The following CTAGE1 variants were observed in gnomAD, a reference collection of about 807,000 sequenced individuals.
CTAGE1 encodes the protein cTAGE family member 2.
For synonymous variants in CTAGE1, 332 were observed against 302.8 expected, an observed-to-expected ratio of 1.10 and a Z score of -1.00; for missense variants, 963 against 855.9, an observed-to-expected ratio of 1.13 and a Z score of -1.56.
At position 22,415,514 on chromosome 18, in the gene CTAGE1, A is replaced by G; in HGVS notation, c.*60T>C. 1 of 1,337,538 alleles carries G rather than the reference A, an allele frequency of 7.5e-7. No individual in the cohort carries two copies. The highest frequency in any genetic ancestry group is 1.0e-6 in the Non-Finnish European group (1 of 967,876). The allele number at this position is 1,337,538 out of a possible 1,614,324, so 82.9% of individuals were successfully genotyped here. A position where few individuals can be genotyped will look rare whatever the true frequency, so the allele number is the denominator to read the frequency against. ...GTTAGGTTTCTTGCTGTCGTTCTGG[A>G]TGTTCAGCAGCAGGCTCATTTGAAG... On this transcript the variant is annotated 3_prime_UTR_variant, in exon 1 of 1. Transcript: ENST00000391403.
Position 22,415,795 on chromosome 18 carries a change from A to G in CTAGE1, c.2017T>C (p.Phe673Leu). Residue 673 changes from phenylalanine (F) to leucine (L), a missense_variant, in exon 1 of 1, where the codon TTT (phenylalanine) becomes CTT (leucine). Transcript: ENST00000391403. ...PPLAPIRGLL[F>L]PVDTRGPFIR... ...AACGGGCCCCTTGTATCTACTGGAAACAATAAACCTCTGATTGGAGCAAGA... is the reference window on the plus strand; with the variant it reads ...AACGGGCCCCTTGTATCTACTGGAAGCAATAAACCTCTGATTGGAGCAAGA... 6.2e-7 allele frequency: 1 copy of G among 1,613,994 alleles called. No homozygotes were observed. The highest frequency in any genetic ancestry group is 8.5e-7 in the Non-Finnish European group (1 of 1,179,854).
At position 22,413,949 on chromosome 18, in the gene CTAGE1, A is replaced by T. The variant is rs2034979017; in HGVS notation, c.*1625T>A. On this transcript the variant is annotated 3_prime_UTR_variant, in exon 1 of 1. Coordinates refer to ENST00000391403, the MANE Select transcript of CTAGE1 (RefSeq NM_172241.3). Reference sequence around the variant, plus strand: ...GACTGTGGAAATGGATGCCTGGCTCAATATAAAATTCCTCTAGAAAGAGTT... The same window carrying T: ...GACTGTGGAAATGGATGCCTGGCTCTATATAAAATTCCTCTAGAAAGAGTT... The T allele has an allele frequency of 6.6e-6, 1 of 152,262 alleles. No homozygotes were observed. Among genetic ancestry groups the T allele is most frequent in the African/African-American group, 2.4e-5 (1 of 41,468 alleles). 9.4% of individuals were successfully genotyped at this position (152,262 alleles called of 1,614,324 possible).
In CTAGE1 at chr18:22,416,738, T is replaced by A. The variant is rs767184512; in HGVS notation, c.1074A>T (p.Leu358Phe). The A allele has an allele frequency of 3.7e-6, 6 of 1,612,498 alleles. 1 individual carries two copies. In the South Asian group the frequency reaches 4.4e-5, roughly 12 times the overall value. Residue 358 changes from leucine to phenylalanine, a missense_variant, in exon 1 of 1, where the codon TTA becomes TTT. Leu to Phe is a conservative substitution (Grantham distance 22). Coordinates refer to ENST00000391403, the MANE Select transcript of CTAGE1 (RefSeq NM_172241.3). The part of the protein sequence containing the change: ...LQQKLKVMTE[L>F]YQENEMKLYR... ...AGAGTTTCATTTCATTTTCTTGATA[T>A]AATTCAGTCATTACTTTAAGTTTCT... is the stretch of plus-strand genomic sequence containing the variant.
Position 22,415,637 on chromosome 18 carries a change from C to CG in CTAGE1, c.2174dup (p.Arg726GlufsTer25). The CG allele has an allele frequency of 6.2e-7, 1 of 1,613,986 alleles. No individual in the cohort carries two copies. Among genetic ancestry groups the CG allele is most frequent in the Non-Finnish European group, 8.5e-7 (1 of 1,179,998 alleles). ...GGGGACGGTAAGGAAGAAAACCTCT[C>CG]GGTAAATAGACATTTCTCATTGCAA... On this transcript the variant is annotated frameshift_variant, in exon 1 of 1. Coordinates refer to ENST00000391403, the MANE Select transcript of CTAGE1 (RefSeq NM_172241.3). LOFTEE classifies it low-confidence loss of function (END_TRUNC).
In CTAGE1 at chr18:22,416,461, C is replaced by T. The variant is rs1355412447; in HGVS notation, c.1351G>A (p.Ala451Thr). The T allele has an allele frequency of 2.5e-6, 4 of 1,613,994 alleles. No individual in the cohort carries two copies. In the East Asian group the frequency reaches 6.7e-5, roughly 27 times the overall value. ...TCAGTTAATTTTTGTCTGTTGTGAG[C>T]ATTTTCTTTCCTTAAATCATTGAGG... ...RNLNDLRKEN[A>T]HNRQKLTEIE... The change falls in exon 1 of 1, where the codon GCT becomes ACT. Residue 451 changes from alanine (A) to threonine (T), a missense_variant. Transcript: ENST00000391403.
Position 22,417,829 on chromosome 18 carries a change from C to T in CTAGE1, c.-18G>A. The T allele has an allele frequency of 6.2e-7, 1 of 1,613,682 alleles. No homozygotes were observed. Among genetic ancestry groups the T allele is most frequent in the Non-Finnish European group, 8.5e-7 (1 of 1,179,592 alleles). On this transcript the variant is annotated 5_prime_UTR_variant, in exon 1 of 1. Coordinates refer to ENST00000391403, the MANE Select transcript of CTAGE1 (RefSeq NM_172241.3). ...GGTCTCATACCTTCAGTCAGTGCTG[C>T]CACAACCCTGCGTAGCAACTCCAGG...
Position 22,415,774 on chromosome 18 carries a change from G to A in CTAGE1, c.2038C>T (p.Pro680Ser). The A allele has an allele frequency of 6.2e-7, 1 of 1,613,922 alleles. No individual in the cohort carries two copies. The highest frequency in any genetic ancestry group is 8.5e-7 in the Non-Finnish European group (1 of 1,179,856). Reference protein sequence around the residue: ...GLLFPVDTRGPFIRRGPPFPP... With the variant: ...GLLFPVDTRGSFIRRGPPFPP... ...AAAGGAGGTCCTCTTCTTATGAACG[G>A]GCCCCTTGTATCTACTGGAAACAAT... Residue 680 changes from proline (P) to serine (S), a missense_variant, in exon 1 of 1, where the codon CCG becomes TCG. Physicochemically the swap from Pro to Ser is moderately conservative, Grantham distance 74. Coordinates refer to ENST00000391403, the MANE Select transcript of CTAGE1 (RefSeq NM_172241.3).
rs1188152282 is a variant in CTAGE1 at position 22,416,508 on chromosome 18, G to A, written c.1304C>T (p.Ala435Val). The A allele has an allele frequency of 6.2e-7, 1 of 1,613,950 alleles. No individual in the cohort carries two copies. Among genetic ancestry groups the A allele is most frequent in the Non-Finnish European group, 8.5e-7 (1 of 1,179,932 alleles). Reference protein sequence around the residue: ...HEKKAHDNWSAAWTAERNLND... With the variant: ...HEKKAHDNWSVAWTAERNLND... ...GAGGTTTCTTTCAGCAGTCCAAGCT[G>A]CCGACCAATTATCATGTGCTTTTTT... Residue 435 changes from alanine (A) to valine (V), a missense_variant, in exon 1 of 1, where the codon GCA becomes GTA. Physicochemically the swap from Ala to Val is moderately conservative, Grantham distance 64. Transcript: ENST00000391403.
At position 22,416,303 on chromosome 18, in the gene CTAGE1, A is replaced by G; in HGVS notation, c.1509T>C (p.Ser503=). The G allele has an allele frequency of 6.2e-7, 1 of 1,614,000 alleles. No individual in the cohort carries two copies. Among genetic ancestry groups the G allele is most frequent in the Non-Finnish European group, 8.5e-7 (1 of 1,179,874 alleles). Residue 503 remains serine, a synonymous_variant, in exon 1 of 1, where the codon TCT becomes TCC. Coordinates refer to ENST00000391403, the MANE Select transcript of CTAGE1 (RefSeq NM_172241.3). ...CTTCCAACAAAGTTGGAGGATAGAG[A>G]GAAGCTCTCGTTTCAGATGAAGGCC... ...LGWPSSETRA[S]LYPPTLLEGP...
Position 22,415,742 on chromosome 18 carries a change from T to C in CTAGE1, c.2070A>G (p.Pro690=). 6.2e-7 allele frequency: 1 copy of C among 1,612,960 alleles called. No homozygotes were observed. Among genetic ancestry groups the C allele is most frequent in the Non-Finnish European group, 8.5e-7 (1 of 1,179,702 alleles). The change falls in exon 1 of 1, where the codon CCA becomes CCG. Residue 690 remains proline (P), a synonymous_variant. Transcript: ENST00000391403. ...CTCCAAACACGGTTCCTGGAGGAGG[T>C]GGGGGGAAAGGAGGTCCTCTTCTTA... is the stretch of plus-strand genomic sequence containing the variant. The part of the protein sequence containing the change: ...PFIRRGPPFP[P]PPPGTVFGAS...
chr18:22,416,994 G>C lies in CTAGE1; in HGVS notation c.818C>G (p.Ala273Gly). 6.2e-7 allele frequency: 1 copy of C among 1,613,990 alleles called. No individual in the cohort carries two copies. Among genetic ancestry groups the C allele is most frequent in the Non-Finnish European group, 8.5e-7 (1 of 1,179,888 alleles). The part of the protein sequence containing the change: ...LEMNSESEDG[A>G]YLDNPPKGAL... ...TCCTTTTGGAGGATTATCTAAGTAA[G>C]CACCATCTTCCGATTCACTGTTCAT... is the stretch of plus-strand genomic sequence containing the variant. The change falls in exon 1 of 1, where the codon GCT becomes GGT. Residue 273 changes from alanine (A) to glycine (G), a missense_variant. By Grantham distance (60) the Ala-to-Gly change is moderately conservative (BLOSUM62 0). Coordinates refer to ENST00000391403, the MANE Select transcript of CTAGE1 (RefSeq NM_172241.3).
chr18:22,415,791 G>C lies in CTAGE1; in HGVS notation c.2021C>G (p.Pro674Arg). 6.2e-7 allele frequency: 1 copy of C among 1,613,864 alleles called. No individual in the cohort carries two copies. The highest frequency in any genetic ancestry group is 8.5e-7 in the Non-Finnish European group (1 of 1,179,816). The change falls in exon 1 of 1, where the codon CCA (proline) becomes CGA (arginine). Residue 674 changes from proline to arginine, a missense_variant. Physicochemically the swap from Pro to Arg is moderately radical, Grantham distance 103 (BLOSUM62 -2). Transcript: ENST00000391403. ...TATGAACGGGCCCCTTGTATCTACT[G>C]GAAACAATAAACCTCTGATTGGAGC... ...PLAPIRGLLF[P>R]VDTRGPFIRR...
Position 22,416,189 on chromosome 18 carries a change from T to A in CTAGE1, c.1623A>T (p.Lys541Asn), listed in dbSNP as rs1345978563. Residue 541 changes from lysine (K) to asparagine (N), a missense_variant, in exon 1 of 1, where the codon AAA (lysine) becomes AAT (asparagine). Coordinates refer to ENST00000391403, the MANE Select transcript of CTAGE1 (RefSeq NM_172241.3). ...TATCACAGCTTGATTCTCCTCTTTCTTTGGTAATCTGATGGTCCGGAGGAT... is the reference window on the plus strand; with the variant it reads ...TATCACAGCTTGATTCTCCTCTTTCATTGGTAATCTGATGGTCCGGAGGAT... ...PGNPPDHQITKERGESSCDRL... is the reference protein window; with the variant it reads ...PGNPPDHQITNERGESSCDRL... 6.2e-7 allele frequency: 1 copy of A among 1,613,966 alleles called. No homozygotes were observed. Among genetic ancestry groups the A allele is most frequent in the Non-Finnish European group, 8.5e-7 (1 of 1,179,866 alleles).
In CTAGE1 at chr18:22,417,477, A is replaced by T. The variant is rs753854448; in HGVS notation, c.335T>A (p.Val112Glu). The T allele has an allele frequency of 2.5e-6, 4 of 1,613,868 alleles. No homozygotes were observed. In the East Asian group the frequency reaches 8.9e-5, roughly 36 times the overall value. ...TTTTTCTAGACAGAGTATTTCATGC[A>T]CAAGTTCAGAATTGAACCTGTTCAG... The part of the protein sequence containing the change: ...EKLNRFNSEL[V>E]HEILCLEKEL... Residue 112 changes from valine (V) to glutamate (E), a missense_variant, in exon 1 of 1, where the codon GTG (valine) becomes GAG (glutamate). Physicochemically the swap from Val to Glu is moderately radical, Grantham distance 121 (BLOSUM62 -2). Coordinates refer to ENST00000391403, the MANE Select transcript of CTAGE1 (RefSeq NM_172241.3).
At position 22,417,861 on chromosome 18, in the gene CTAGE1, C is replaced by T; in HGVS notation, c.-50G>A. ...CCTGCGTAGCAACTCCAGGACCAGCCCCAGGTATGGCTGAGGGTTAGCCCT... is the reference window on the plus strand; with the variant it reads ...CCTGCGTAGCAACTCCAGGACCAGCTCCAGGTATGGCTGAGGGTTAGCCCT... On this transcript the variant is annotated 5_prime_UTR_variant, in exon 1 of 1. Coordinates refer to ENST00000391403, the MANE Select transcript of CTAGE1 (RefSeq NM_172241.3). 1 of 1,586,448 alleles carries T rather than the reference C, an allele frequency of 6.3e-7. No individual in the cohort carries two copies. The highest frequency in any genetic ancestry group is 8.7e-7 in the Non-Finnish European group (1 of 1,155,298).
rs1598489289 is a variant in CTAGE1 at position 22,414,334 on chromosome 18, A to C, written c.*1240T>G. On this transcript the variant is annotated 3_prime_UTR_variant, in exon 1 of 1. Transcript: ENST00000391403. ...AGACGGAAAATGTATAGGAAGCCCC[A>C]GTGTACAATAAGGGCACCTCATGTC... 1 of 245,936 alleles carries C rather than the reference A, an allele frequency of 4.1e-6. No homozygotes were observed. The highest frequency in any genetic ancestry group is 7.8e-6 in the Non-Finnish European group (1 of 128,982). The allele number at this position is 245,936 out of a possible 1,614,324, so 15.2% of individuals were successfully genotyped here. A position where few individuals can be genotyped will look rare whatever the true frequency, so the allele number is the denominator to read the frequency against.
Position 22,417,432 on chromosome 18 carries a change from G to C in CTAGE1, c.380C>G (p.Ser127Cys). 6.2e-7 allele frequency: 1 copy of C among 1,613,932 alleles called. No homozygotes were observed. The highest frequency in any genetic ancestry group is 8.5e-7 in the Non-Finnish European group (1 of 1,179,854). Residue 127 changes from serine to cysteine, a missense_variant, in exon 1 of 1, where the codon TCT (serine) becomes TGT (cysteine). Ser to Cys is a moderately radical substitution (Grantham distance 112). Transcript: ENST00000391403. ...CLEKELKEEKSKHSEQNELMA... is the reference protein window; with the variant it reads ...CLEKELKEEKCKHSEQNELMA... ...CAATTCATTTTGTTCAGAATGTTTA[G>C]ATTTCTCTTCTTTTAACTCTTTTTC...
Position 22,416,135 on chromosome 18 carries a change from A to C in CTAGE1, c.1677T>G (p.Ser559=). Residue 559 remains serine, a synonymous_variant, in exon 1 of 1, where the codon TCT becomes TCG. Coordinates refer to ENST00000391403, the MANE Select transcript of CTAGE1 (RefSeq NM_172241.3). ...ACGGAGGTGCCAGGGGCCCAGCGTC[A>C]GAAGGAGCCCTGTGAGGATCAGTTA... ...DRLTDPHRAP[S]DAGPLAPPWE... 1 of 1,614,004 alleles carries C rather than the reference A, an allele frequency of 6.2e-7. No individual in the cohort carries two copies. The highest frequency in any genetic ancestry group is 8.5e-7 in the Non-Finnish European group (1 of 1,179,874).
rs1438481820 is a variant in CTAGE1 at position 22,415,667 on chromosome 18, A to G, written c.2145T>C (p.Ala715=). 6.2e-7 allele frequency: 1 copy of G among 1,614,136 alleles called. No individual in the cohort carries two copies. Among genetic ancestry groups the G allele is most frequent in the Non-Finnish European group, 8.5e-7 (1 of 1,180,036 alleles). ...SPRDVPGPPR[A]PFAMRNVYLP... The stretch of plus-strand genomic sequence containing the variant: ...AATAGACATTTCTCATTGCAAATGG[A>G]GCACGTGGTGGACCTGGGACATCCC... Residue 715 remains alanine (A), a synonymous_variant, in exon 1 of 1, where the codon GCT becomes GCC. Coordinates refer to ENST00000391403, the MANE Select transcript of CTAGE1 (RefSeq NM_172241.3).
Sources: allele counts gnomAD v4.1 joint callset, GRCh38; gene constraint gnomAD v4.1.1; transcripts MANE v1.5; gene names NCBI Gene and HGNC (gene_info 2026-07-23, HGNC 2026-07-21).